The following ACOXL variants were observed in gnomAD, a reference collection of about 807,000 sequenced individuals.
The protein encoded by ACOXL is acyl-coenzyme A oxidase-like protein.
ACOXL carries 70 observed loss-of-function variants against 71.9 expected under a neutral mutation model. The observed-to-expected ratio is 0.97, with a 90% CI of 0.80 to 1.19. The LOEUF is 1.19. ACOXL is among the 50% of genes most tolerant of loss of function. ACOXL has a pLI of 0.00. For missense variants in ACOXL, 703 were observed against 736.3 expected (o/e 0.95, Z 0.52); for synonymous variants, 253 against 281.6 (o/e 0.90, Z 1.02).
intron 9 of ACOXL, among the ~76,000 whole-genome samples, chr2:110,816,287 GA>G (rs1687912359): frequency 6.6e-6 from 1 of 152,174 alleles, no homozygotes; most frequent in African/African-American, 2.4e-5. Flanking sequence ...TAGAGAGATA[GA>G]TGAATAAATA....
At chr2:111,107,239 A>G (rs115136162) in intron 17 of ACOXL, among the ~76,000 whole-genome samples, 2,641 of 152,290 alleles carry the variant, frequency 0.017, 73 homozygotes, top group African/African-American at 0.06. Flanking sequence ...TTTTAGCTCC[A>G]GTGTGGGATA....
intron 9 of ACOXL, among the ~76,000 whole-genome samples, chr2:110,826,752 C>CTT (rs775164507): frequency 6.0e-5 from 7 of 116,520 alleles, no homozygotes; most frequent in Non-Finnish European, 8.9e-5. Context: ...TCTCTCTTTG[C>CTT]TTTTTTTTTT....
chr2:110,863,607 G>T (rs1292603124), intron 10 of ACOXL, among the ~76,000 whole-genome samples: 2 of 152,160 alleles, frequency 1.3e-5, no homozygotes, highest in Admixed American at 1.3e-4. Flanking sequence ...CCCCCAACTG[G>T]TTGGTAACAG....
At chr2:110,963,565 ATGTGTGTG>A (rs57092184) in intron 12 of ACOXL, 49,734 of 1,417,594 alleles carry the variant, frequency 0.035, 119 homozygotes, top group Admixed American at 0.056. Context: ...CAAATTTGAA[ATGTGTGTG>A]TGTGTGTGTG....
chr2:110,933,459 T>G, intron 11 of ACOXL, 30 bp from the exon 12 acceptor site: 1 of 1,601,644 alleles, frequency 6.2e-7, no homozygotes, highest in Non-Finnish European at 8.5e-7. Context: ...CACCGCCACT[T>G]CCATCACACA....
intron 10 of ACOXL, among the ~76,000 whole-genome samples, chr2:110,867,646 A>G (rs1694769902): frequency 6.6e-6 from 1 of 152,258 alleles, no homozygotes; most frequent in South Asian, 2.1e-4. Flanking sequence ...TGGAGGGCCA[A>G]TAAGGACTTC....
intron 11 of ACOXL, among the ~76,000 whole-genome samples, chr2:110,922,764 C>T (rs2060126631): frequency 6.6e-6 from 1 of 152,060 alleles, no homozygotes. Context: ...CAGTCTAGCT[C>T]AAGGAAAGAA....
intron 2 of ACOXL, among the ~76,000 whole-genome samples, chr2:110,771,678 A>C (rs1251958880): frequency 6.6e-6 from 1 of 152,270 alleles, no homozygotes; most frequent in Admixed American, 6.5e-5. Context: ...GTGCACGCAC[A>C]CACACACAGA....
intron 14 of ACOXL, among the ~76,000 whole-genome samples, chr2:111,023,348 A>G: frequency 6.6e-6 from 1 of 152,198 alleles, no homozygotes; most frequent in East Asian, 1.9e-4. Flanking sequence ...GACCCTGAAG[A>G]ACTCAGAAGG....
chr2:110,805,531 G>T (rs1253790438), intron 9 of ACOXL, 136 bp downstream of exon 9: 2 of 1,251,932 alleles, frequency 1.6e-6, no homozygotes, highest in Non-Finnish European at 2.2e-6. Flanking sequence ...TAGATGCTGG[G>T]GAGTGCCAGG....
At chr2:110,828,753 G>A (rs1275217079) in intron 9 of ACOXL, among the ~76,000 whole-genome samples, 1 of 152,160 alleles carries the variant, frequency 6.6e-6, no homozygotes, top group Non-Finnish European at 1.5e-5. Context: ...GTGGGCTGGG[G>A]GGTGGAATTA....
rs535369190 is a variant in ACOXL, at chr2:110,965,103, T to G, written c.1060-22005T>G. 2.0e-5 allele frequency among the ~76,000 whole-genome samples: 3 copies of G among 152,314 alleles called. No individual in the cohort carries two copies. The South Asian group carries it at 6.2e-4, about 32-fold the overall frequency. On this transcript the variant is annotated intron_variant, in intron 12 of 17. Transcript: ENST00000439055. ...TTTGTGTTTCTGTGCCTGACTTATT[T>G]CACTTAACATAATGACCTCCAGTTC...
intron 12 of ACOXL, among the ~76,000 whole-genome samples, chr2:110,960,535 G>A (rs2061663354): frequency 6.6e-6 from 1 of 151,752 alleles, no homozygotes; most frequent in African/African-American, 2.4e-5. Flanking sequence ...TTTCCTCCCC[G>A]ACCTATCCCG....
In ACOXL at chr2:111,117,156, C is replaced by T. The variant is rs1324021745; in HGVS notation, c.1543-460C>T. On this transcript the variant is annotated intron_variant, in intron 17 of 17. Coordinates refer to ENST00000439055, the MANE Select transcript of ACOXL (RefSeq NM_001142807.4). ...GCAGGTCTCTAGTGGTTCACCTGTT[C>T]GGAGGCTCTTCCTGTTCAGTTCCCT... is the stretch of plus-strand genomic sequence containing the variant. 5.3e-5 allele frequency among the ~76,000 whole-genome samples: 8 copies of T among 152,322 alleles called. No homozygotes were observed. In the East Asian group the frequency reaches 1.4e-3, roughly 26 times the overall value.
chr2:110,786,461 G>A (rs796282974), intron 3 of ACOXL, among the ~76,000 whole-genome samples: 65 of 152,326 alleles, frequency 4.3e-4, no homozygotes, highest in African/African-American at 1.5e-3. Context: ...CTTTCAGAGA[G>A]AGCAGCTAGC....
At chr2:110,865,427 T>G (rs1694466116) in intron 10 of ACOXL, among the ~76,000 whole-genome samples, 1 of 152,216 alleles carries the variant, frequency 6.6e-6, no homozygotes, top group African/African-American at 2.4e-5. Context: ...TGGCCTGATT[T>G]CACATTCTGA....
chr2:110,923,893 A>T (rs2056014), intron 11 of ACOXL, among the ~76,000 whole-genome samples: 1 of 151,096 alleles, frequency 6.6e-6, no homozygotes, highest in Non-Finnish European at 1.5e-5. Flanking sequence ...CTGAGAACAC[A>T]CCATTGTCAT....
intron 2 of ACOXL, among the ~76,000 whole-genome samples, chr2:110,782,589 G>A (rs1435860014): frequency 6.6e-6 from 1 of 152,176 alleles, no homozygotes; most frequent in Admixed American, 6.5e-5. Context: ...CAAGGGAAGG[G>A]AAGTAATTGT....
At chr2:110,853,089 G>T (rs1692812855) in intron 10 of ACOXL, among the ~76,000 whole-genome samples, 1 of 152,134 alleles carries the variant, frequency 6.6e-6, no homozygotes, top group African/African-American at 2.4e-5. Context: ...GGTCCAGAGT[G>T]CCGGGCCTCG....
Sources: gnomAD v4.1 joint callset for allele counts (sites outside exome capture counted in the v4.1 genomes callset) on GRCh38, gnomAD v4.1.1 for gene constraint, MANE v1.5 for transcripts, NCBI Gene and HGNC (gene_info 2026-07-23, HGNC 2026-07-21) for gene names.